Variants in PHACTR1 observed in about 807,000 individuals in gnomAD.
The protein encoded by PHACTR1 is phosphatase and actin regulator 1, also known as RPEL repeat containing 1.
PHACTR1 carries 16 observed loss-of-function variants against 69.2 expected under a neutral mutation model. That is an observed-to-expected ratio of 0.23 (90% CI 0.16 to 0.35). The LOEUF (loss-of-function observed/expected upper bound fraction) is 0.35, where lower values mean the gene tolerates loss of function less well. Among genes scored for constraint, PHACTR1 ranks in the 10% least tolerant of loss-of-function variants. The pLI, the probability that PHACTR1 is intolerant of heterozygous loss-of-function variation, is 1.00. For synonymous variants in PHACTR1, 312 were observed against 284.5 expected (o/e 1.10, Z -0.97); for missense variants, 510 against 734.7 (o/e 0.69, Z 3.54).
chr6:13,008,381 A>C (rs910999603), intron 4 of PHACTR1, among the ~76,000 whole-genome samples: 1 of 152,256 alleles, frequency 6.6e-6, no homozygotes, highest in Non-Finnish European at 1.5e-5. Flanking sequence ...CAATTCATAC[A>C]GCTGGACCAG....
chr6:12,783,553 A>G (rs1170911117), intron 4 of PHACTR1, among the ~76,000 whole-genome samples: 1 of 152,150 alleles, frequency 6.6e-6, no homozygotes, highest in Non-Finnish European at 1.5e-5. Flanking sequence ...TGGACTCCAA[A>G]TTAGCAGTTT....
At chr6:12,942,392 A>T (rs1790148384) in intron 4 of PHACTR1, among the ~76,000 whole-genome samples, 1 of 152,200 alleles carries the variant, frequency 6.6e-6, no homozygotes, top group Admixed American at 6.5e-5. Flanking sequence ...TACACTTTTG[A>T]AATACCCTGC....
chr6:12,821,830 T>G (rs1319705202), intron 4 of PHACTR1, among the ~76,000 whole-genome samples: 1 of 152,216 alleles, frequency 6.6e-6, no homozygotes, highest in Non-Finnish European at 1.5e-5. Context: ...GCTAAATAAG[T>G]TGTCAAAGGT....
At chr6:13,271,251 A>G (rs1192724979) in intron 10 of PHACTR1, among the ~76,000 whole-genome samples, 3 of 152,204 alleles carry the variant, frequency 2.0e-5, no homozygotes, top group Non-Finnish European at 1.5e-5. Flanking sequence ...CTCACTGTCA[A>G]GAAGCTAGGA....
chr6:13,187,750 T>C (rs1762999147), intron 7 of PHACTR1, among the ~76,000 whole-genome samples: 1 of 152,190 alleles, frequency 6.6e-6, no homozygotes, highest in Admixed American at 6.5e-5. Flanking sequence ...TGGGATACCA[T>C]TGAGCCAGGG....
intron 4 of PHACTR1, among the ~76,000 whole-genome samples, chr6:12,919,908 T>C (rs1386651954): frequency 6.6e-6 from 1 of 152,194 alleles, no homozygotes; most frequent in South Asian, 2.1e-4. Flanking sequence ...TTTATTGTCA[T>C]AGGGGCCTAA....
At chr6:12,828,067 A>G (rs1777001426) in intron 4 of PHACTR1, among the ~76,000 whole-genome samples, 1 of 152,232 alleles carries the variant, frequency 6.6e-6, no homozygotes, top group South Asian at 2.1e-4. Context: ...ACAAAGAAGT[A>G]GCTGTGGGCT....
intron 4 of PHACTR1, among the ~76,000 whole-genome samples, chr6:12,985,528 T>TAAAAAAAAAA (rs149850503): frequency 2.2e-5 from 3 of 134,912 alleles, no homozygotes; most frequent in African/African-American, 8.2e-5. Flanking sequence ...TACTACAAAT[T>TAAAAAAAAAA]AAAAAAAAAA....
rs892769170 is a variant in PHACTR1, at chr6:12,750,098, G to A, written c.250+308G>A. Among the ~76,000 whole-genome samples, 4 of 152,250 alleles carry A rather than the reference G, an allele frequency of 2.6e-5. No individual in the cohort carries two copies. In the East Asian group the frequency reaches 5.8e-4, roughly 22 times the overall value. ...CGGAGCCCGGGCCGCGCGCCCATGC[G>A]CAGGCTGCGGGCGCGGGGTCTGGCG... is the stretch of plus-strand genomic sequence containing the variant. On this transcript the variant is annotated intron_variant, in intron 4 of 14. Transcript: ENST00000332995.
chr6:13,135,423 C>G (rs1233679058), intron 5 of PHACTR1, among the ~76,000 whole-genome samples: 1 of 152,214 alleles, frequency 6.6e-6, no homozygotes, highest in Non-Finnish European at 1.5e-5. Flanking sequence ...ATGCAGACTC[C>G]GTAATTCTTC....
At chr6:12,934,374 G>T (rs922992149) in intron 4 of PHACTR1, among the ~76,000 whole-genome samples, 10 of 152,172 alleles carry the variant, frequency 6.6e-5, no homozygotes, top group African/African-American at 2.4e-4. Flanking sequence ...ACAAGTACTG[G>T]ATGTTAGAAT....
At chr6:12,735,552 G>A (rs1001752228) in intron 3 of PHACTR1, among the ~76,000 whole-genome samples, 9 of 152,198 alleles carry the variant, frequency 5.9e-5, no homozygotes, top group Non-Finnish European at 1.3e-4. Context: ...ACATCATCAA[G>A]TGGTTTCAAA....
intron 4 of PHACTR1, among the ~76,000 whole-genome samples, chr6:12,796,371 T>C (rs191130030): frequency 4.6e-5 from 7 of 152,348 alleles, no homozygotes; most frequent in Non-Finnish European, 8.8e-5. Context: ...ATGTATTTCA[T>C]GAGACCTTGT....
intron 5 of PHACTR1, among the ~76,000 whole-genome samples, chr6:13,077,099 A>AT (rs1418550462): frequency 8.6e-5 from 13 of 151,728 alleles, no homozygotes; most frequent in African/African-American, 3.2e-4. Context: ...AATAAAAAAA[A>AT]AAATAAAGTA....
rs149319915 is a variant in PHACTR1, at chr6:12,732,975, A to C, written c.103+14128A>C. 1.8e-3 allele frequency among the ~76,000 whole-genome samples: 273 copies of C among 152,356 alleles called. 3 individuals carry two copies. The highest frequency in any genetic ancestry group is 3.7e-3 in the Admixed American group (57 of 15,294). On this transcript the variant is annotated intron_variant, in intron 3 of 14. Transcript: ENST00000332995. ...AATACCTCGTGATCTAATCACTGTC[A>C]TCAGCCCATCTGTAGACACAACAGA... is the stretch of plus-strand genomic sequence containing the variant.
At chr6:12,765,833 T>C (rs573579166) in intron 4 of PHACTR1, among the ~76,000 whole-genome samples, 1 of 152,318 alleles carries the variant, frequency 6.6e-6, no homozygotes, top group South Asian at 2.1e-4. Context: ...CTTTTCCTCA[T>C]CAATATTCAA....
chr6:13,228,093 TG>T, intron 9 of PHACTR1, 30 bp downstream of exon 9: 1 of 1,591,036 alleles, frequency 6.3e-7, no homozygotes, highest in Non-Finnish European at 8.5e-7. Context: ...TCACCAGGGG[TG>T]GGGAAGCATG....
intron 4 of PHACTR1, among the ~76,000 whole-genome samples, chr6:12,750,024 C>G (rs1286648423): frequency 1.3e-5 from 2 of 152,184 alleles, no homozygotes; most frequent in African/African-American, 4.8e-5. Flanking sequence ...TTCCCCGGCA[C>G]GGGGAGGAGG....
At chr6:12,891,128 C>T (rs1784130932) in intron 4 of PHACTR1, among the ~76,000 whole-genome samples, 1 of 151,816 alleles carries the variant, frequency 6.6e-6, no homozygotes, top group Non-Finnish European at 1.5e-5. Context: ...AATTTTTTTT[C>T]TCATTCATCA....
Sources: gnomAD v4.1 joint callset for allele counts (sites outside exome capture counted in the v4.1 genomes callset) on GRCh38, gnomAD v4.1.1 for gene constraint, MANE v1.5 for transcripts, NCBI Gene and HGNC (gene_info 2026-07-23, HGNC 2026-07-21) for gene names.